ZNF469: variants seen among roughly 807,000 people sequenced by gnomAD.
ZNF469 encodes zinc finger protein 469.
Under a neutral mutation model 1.0 loss-of-function variants are expected in ZNF469, and 1 was observed. The observed-to-expected ratio is 1.00, with a 90% CI of 0.35 to 4.73. The LOEUF (loss-of-function observed/expected upper bound fraction) is 4.73. Among genes scored for constraint, ZNF469 ranks in the 30% most tolerant of loss-of-function variants. The probability of loss-of-function intolerance (pLI) is 0.16; values close to 1 mark genes in which losing one functional copy is unlikely to be tolerated. For missense variants in ZNF469, 6,100 were observed against 5,356.3 expected, an observed-to-expected ratio of 1.14 and a Z score of -4.33; for synonymous variants, 2,703 against 2,363.4, an observed-to-expected ratio of 1.14 and a Z score of -4.17.
the ZNF469 span, among the ~76,000 whole-genome samples, chr16:88,220,937 T>C: frequency 0.82 from 123,989 of 152,132 alleles, 51,379 homozygotes; most frequent in Non-Finnish European, 0.9. Flanking sequence ...ACCTGCCCTG[T>C]ACAGGGAGCC....
At chr16:88,271,657 G>A in the ZNF469 span, among the ~76,000 whole-genome samples, 23 of 147,006 alleles carry the variant, frequency 1.6e-4, 2 homozygotes, top group East Asian at 4.8e-3. Flanking sequence ...TCAACAAAGG[G>A]TCAGAGCGAA....
the ZNF469 span, among the ~76,000 whole-genome samples, chr16:88,255,850 G>T: frequency 6.6e-6 from 1 of 152,214 alleles, no homozygotes; most frequent in Non-Finnish European, 1.5e-5. Context: ...GGGTTGGAAT[G>T]TCTCTGGTCG....
rs1412458634 is a variant in ZNF469 at position 88,433,130 on chromosome 16, C to A, written c.5660C>A (p.Thr1887Asn). The change falls in exon 3 of 3, where the codon ACC (threonine) becomes AAC (asparagine). Residue 1887 changes from threonine to asparagine, a missense_variant. Coordinates refer to ENST00000565624, the MANE Select transcript of ZNF469 (RefSeq NM_001367624.2). ...PVPSPACVSN[T>N]HPSRRSQDPA... ...CCAAGTCCCGCCTGTGTATCCAACACCCACCCTAGCAGGAGGTCCCAGGAC... is the reference window on the plus strand; with the variant it reads ...CCAAGTCCCGCCTGTGTATCCAACAACCACCCTAGCAGGAGGTCCCAGGAC... 3 of 1,550,204 alleles carry A rather than the reference C, an allele frequency of 1.9e-6. No individual in the cohort carries two copies. In the South Asian group the frequency reaches 3.6e-5, roughly 18 times the overall value.
chr16:88,432,044 G>C lies in ZNF469; in HGVS notation c.4574G>C (p.Ser1525Thr), dbSNP rs545662898. The change falls in exon 3 of 3, where the codon AGT (serine) becomes ACT (threonine). Residue 1525 changes from serine (S) to threonine (T), a missense_variant. Physicochemically the swap from Ser to Thr is moderately conservative, Grantham distance 58. Transcript: ENST00000565624. ...GATCTCTCGGGGGGAAAGGTGCTCA[G>C]TAAGACGTGTCCCCCTGAACGGACA... ...FPDLSGGKVL[S>T]KTCPPERTVV... is the part of the protein sequence containing the mutation. 2.5e-5 allele frequency: 38 copies of C among 1,550,538 alleles called. No individual in the cohort carries two copies. In the African/African-American group the frequency reaches 4.4e-4, roughly 18 times the overall value.
At chr16:88,179,273 A>T in the ZNF469 span, among the ~76,000 whole-genome samples, 1 of 151,700 alleles carries the variant, frequency 6.6e-6, no homozygotes, top group Non-Finnish European at 1.5e-5. Flanking sequence ...CTTCCTGCCG[A>T]CCCCACCTGG....
At chr16:88,402,289 C>A (rs1362628713) in intron 1 of ZNF469, among the ~76,000 whole-genome samples, 1 of 152,162 alleles carries the variant, frequency 6.6e-6, no homozygotes, top group Non-Finnish European at 1.5e-5. Flanking sequence ...ACTCTACCCT[C>A]TCCTTCAGGA....
chr16:88,153,667 G>T, the ZNF469 span, among the ~76,000 whole-genome samples: 1 of 152,360 alleles, frequency 6.6e-6, no homozygotes, highest in Admixed American at 6.5e-5. Flanking sequence ...CACAGCCCCG[G>T]GTGCCTGAGG....
intron 1 of ZNF469, among the ~76,000 whole-genome samples, chr16:88,405,496 C>T (rs904785): frequency 0.35 from 53,243 of 152,128 alleles, 10,818 homozygotes; most frequent in East Asian, 0.63. Context: ...ACCTGCCTCC[C>T]TGGCGTCCTC....
the ZNF469 span, among the ~76,000 whole-genome samples, chr16:88,314,310 C>G: frequency 6.9e-6 from 1 of 145,508 alleles, no homozygotes; most frequent in African/African-American, 2.5e-5. Context: ...GGCAGTGCTG[C>G]TGTGGACTGT....
chr16:88,137,986 G>A, the ZNF469 span, among the ~76,000 whole-genome samples: 1 of 152,124 alleles, frequency 6.6e-6, no homozygotes, highest in Non-Finnish European at 1.5e-5. Flanking sequence ...ACAGAGCCTG[G>A]AGAGTTGCTG....
upstream of ZNF469, among the ~76,000 whole-genome samples, chr16:88,379,486 G>C (rs547581326): frequency 6.6e-6 from 1 of 152,140 alleles, no homozygotes; most frequent in Admixed American, 6.5e-5. Context: ...GCTATGAAGA[G>C]GGGGAAGAGG....
In ZNF469 at chr16:88,436,731, A is replaced by G; in HGVS notation, c.9261A>G (p.Pro3087=). The G allele has an allele frequency of 5.2e-6, 8 of 1,548,760 alleles. 1 individual carries two copies. The highest frequency in any genetic ancestry group is 6.1e-6 in the Non-Finnish European group (7 of 1,146,192). ...DFEGTASSQG[P]QSRRTEEAAG... ...AGGGCACGGCGAGCTCACAGGGGCC[A>G]CAGAGCCGAAGGACAGAGGAGGCTG... The change falls in exon 3 of 3, where the codon CCA becomes CCG. Residue 3087 remains proline, a synonymous_variant. Coordinates refer to ENST00000565624, the MANE Select transcript of ZNF469 (RefSeq NM_001367624.2).
chr16:88,183,727 G>A, the ZNF469 span, among the ~76,000 whole-genome samples: 2 of 152,326 alleles, frequency 1.3e-5, no homozygotes, highest in East Asian at 3.9e-4. Context: ...GAAAAGGGGT[G>A]AGCCTTATGT....
chr16:88,438,948 C>T lies in ZNF469; in HGVS notation c.11478C>T (p.Ala3826=), dbSNP rs1157705759. The part of the protein sequence containing the change: ...KRKKGQVPGP[A]RSESVGSFGR... ...AAAAGGGCCAGGTCCCAGGGCCAGC[C>T]AGGAGTGAAAGTGTGGGGAGCTTCG... The change falls in exon 3 of 3, where the codon GCC becomes GCT. Residue 3826 remains alanine, a synonymous_variant. Transcript: ENST00000565624. The T allele has an allele frequency of 6.4e-7, 1 of 1,550,560 alleles. No homozygotes were observed. Among genetic ancestry groups the T allele is most frequent in the Non-Finnish European group, 8.7e-7 (1 of 1,146,984 alleles).
the ZNF469 span, among the ~76,000 whole-genome samples, chr16:88,122,387 G>C: frequency 2.0e-5 from 3 of 150,918 alleles, no homozygotes; most frequent in South Asian, 2.1e-4. Flanking sequence ...CAGTCACTCA[G>C]ATCACATCCC....
chr16:88,355,489 G>T, the ZNF469 span, among the ~76,000 whole-genome samples: 1 of 152,228 alleles, frequency 6.6e-6, no homozygotes, highest in African/African-American at 2.4e-5. Flanking sequence ...AAACGTGAGC[G>T]TGGCGTCGGT....
the ZNF469 span, among the ~76,000 whole-genome samples, chr16:88,252,661 C>T: frequency 6.6e-6 from 1 of 152,200 alleles, no homozygotes; most frequent in African/African-American, 2.4e-5. Flanking sequence ...TCTATAGAGA[C>T]TATGACTTCA....
the ZNF469 span, among the ~76,000 whole-genome samples, chr16:88,196,839 T>C: frequency 2.0e-5 from 3 of 152,110 alleles, no homozygotes; most frequent in Non-Finnish European, 4.4e-5. Flanking sequence ...ATGCCAAAGC[T>C]CTTTCTGAGA....
At chr16:88,185,587 CAT>C in the ZNF469 span, among the ~76,000 whole-genome samples, 1 of 152,122 alleles carries the variant, frequency 6.6e-6, no homozygotes, top group Non-Finnish European at 1.5e-5. Context: ...CTCGCACACA[CAT>C]GCATACACAT....
Sources: gnomAD v4.1 joint callset for allele counts (sites outside exome capture counted in the v4.1 genomes callset) on GRCh38, gnomAD v4.1.1 for gene constraint, MANE v1.5 for transcripts, NCBI Gene and HGNC (gene_info 2026-07-23, HGNC 2026-07-21) for gene names.